CDK14: variants seen among roughly 807,000 people sequenced by gnomAD.
CDK14 encodes cyclin-dependent kinase 14.
Under a neutral mutation model 60.7 loss-of-function variants are expected in CDK14, and 34 were observed. The observed-to-expected ratio is 0.56, with a 90% CI of 0.43 to 0.75. The LOEUF (loss-of-function observed/expected upper bound fraction) is 0.75. Among genes scored for constraint, CDK14 ranks in the 30% least tolerant of loss-of-function variants. The pLI is 0.00. For missense variants in CDK14, 482 were observed against 564.1 expected (o/e 0.85, Z 1.47); for synonymous variants, 197 against 203.7 (o/e 0.97, Z 0.28).
chr7:90,679,068 G>GC (rs1247419790), intron 2 of CDK14, among the ~76,000 whole-genome samples: 1 of 152,028 alleles, frequency 6.6e-6, no homozygotes, highest in East Asian at 1.9e-4. Flanking sequence ...TCCCACCTCA[G>GC]CCCCCCAAGT....
chr7:90,952,092 G>A (rs536385762), intron 8 of CDK14, among the ~76,000 whole-genome samples: 2 of 152,244 alleles, frequency 1.3e-5, no homozygotes, highest in Non-Finnish European at 2.9e-5. Context: ...AGTCATTCCT[G>A]GTTAACTATC....
intron 12 of CDK14, among the ~76,000 whole-genome samples, chr7:91,111,684 G>A (rs1252114219): frequency 2.0e-5 from 3 of 152,110 alleles, no homozygotes; most frequent in African/African-American, 7.2e-5. Flanking sequence ...AAATACGAGT[G>A]TTAAAAGTGC....
intron 9 of CDK14, among the ~76,000 whole-genome samples, chr7:90,963,249 T>G (rs1293008716): frequency 6.6e-6 from 1 of 151,470 alleles, no homozygotes; most frequent in Non-Finnish European, 1.5e-5. Context: ...CATGCTGAGA[T>G]CCCATCTCAG....
At chr7:91,039,020 A>G (rs988343230) in intron 10 of CDK14, among the ~76,000 whole-genome samples, 6 of 152,216 alleles carry the variant, frequency 3.9e-5, no homozygotes, top group African/African-American at 1.4e-4. Flanking sequence ...AGACAACACC[A>G]GATCACTTAG....
chr7:90,714,398 C>A lies in CDK14; in HGVS notation c.124-12169C>A, dbSNP rs182256273. Among the ~76,000 whole-genome samples the A allele has an allele frequency of 1.6e-3, 246 of 152,164 alleles. 1 individual carries two copies. Among genetic ancestry groups the A allele is most frequent in the Middle Eastern group, 6.8e-3 (2 of 294 alleles). On this transcript the variant is annotated intron_variant, in intron 2 of 14. Coordinates refer to ENST00000380050, the MANE Select transcript of CDK14 (RefSeq NM_001287135.2). ...CCACTGCTGTGCTCTATTCACCTTG[C>A]ATCTCTCAGGCAGGATTTGGTATTG...
At chr7:91,092,638 C>T (rs539516730) in intron 12 of CDK14, among the ~76,000 whole-genome samples, 1 of 152,284 alleles carries the variant, frequency 6.6e-6, no homozygotes, top group East Asian at 1.9e-4. Flanking sequence ...CAGCCAATTG[C>T]AAACTCCAGA....
intron 5 of CDK14, among the ~76,000 whole-genome samples, chr7:90,795,100 A>G (rs543135190): frequency 6.6e-6 from 1 of 152,302 alleles, no homozygotes; most frequent in South Asian, 2.1e-4. Context: ...CCCAAACCCA[A>G]CTATTTTGCA....
chr7:91,145,886 CCTTTAAA>C (rs1212418214), intron 14 of CDK14, among the ~76,000 whole-genome samples: 5 of 151,916 alleles, frequency 3.3e-5, no homozygotes, highest in Non-Finnish European at 7.4e-5. Flanking sequence ...CTAAACAAGC[CCTTTAAA>C]CTTCAAAGGG....
intron 2 of CDK14, among the ~76,000 whole-genome samples, chr7:90,640,565 T>G (rs1800301204): frequency 6.6e-6 from 1 of 152,058 alleles, no homozygotes; most frequent in South Asian, 2.1e-4. Flanking sequence ...ACAATGTAAA[T>G]TTTAAAAGTC....
chr7:91,096,475 A>C (rs895581626), intron 12 of CDK14, among the ~76,000 whole-genome samples: 1 of 152,160 alleles, frequency 6.6e-6, no homozygotes, highest in African/African-American at 2.4e-5. Flanking sequence ...GTTTGACTGC[A>C]ACTTTGTCCC....
At chr7:90,733,241 G>T (rs1802945619) in intron 3 of CDK14, among the ~76,000 whole-genome samples, 2 of 152,168 alleles carry the variant, frequency 1.3e-5, no homozygotes, top group African/African-American at 4.8e-5. Context: ...TTGCTGAGGA[G>T]TGTTTTACTT....
intron 2 of CDK14, among the ~76,000 whole-genome samples, chr7:90,659,873 CTCTGTGTGTG>C (rs1800831459): frequency 7.1e-6 from 1 of 140,688 alleles, no homozygotes; most frequent in Non-Finnish European, 1.5e-5. Flanking sequence ...CTCTCTCTCT[CTCTGTGTGTG>C]TGTGTGTGTG....
At chr7:91,162,090 A>G (rs189575416) in intron 14 of CDK14, among the ~76,000 whole-genome samples, 9 of 152,342 alleles carry the variant, frequency 5.9e-5, no homozygotes, top group Admixed American at 3.3e-4. Flanking sequence ...AAAGAGAGGC[A>G]CATAAAAGTG....
At chr7:91,193,928 C>A (rs1291914343) in intron 14 of CDK14, among the ~76,000 whole-genome samples, 1 of 152,110 alleles carries the variant, frequency 6.6e-6, no homozygotes, top group Non-Finnish European at 1.5e-5. Flanking sequence ...TTCTAAGCCT[C>A]TAAATATTTA....
At chr7:90,851,755 G>A (rs1790651646) in intron 5 of CDK14, among the ~76,000 whole-genome samples, 2 of 148,528 alleles carry the variant, frequency 1.3e-5, no homozygotes, top group South Asian at 4.4e-4. Flanking sequence ...CTTCCCCTTT[G>A]TCATTTTCTT....
At chr7:90,621,663 T>TCCTTCCTTCCTGCCTTCCTGCCTTCCTG (rs1563018781) in intron 2 of CDK14, among the ~76,000 whole-genome samples, 58 of 112,636 alleles carry the variant, frequency 5.1e-4, no homozygotes, top group Middle Eastern at 4.3e-3. Flanking sequence ...CTTCCTTCCT[T>TCCTTCCTTCCTGCCTTCCTGCCTTCCTG]CCTTCCTGCC....
chr7:90,678,020 C>T lies in CDK14; in HGVS notation c.124-48547C>T, dbSNP rs752539983. 1.7e-4 allele frequency among the ~76,000 whole-genome samples: 26 copies of T among 152,142 alleles called. No individual in the cohort carries two copies. The Middle Eastern group carries it at 0.014, about 80-fold the overall frequency. ...TTGGGCCAGAGAGACTGCGACTCAG[C>T]GATGAGTGTAAACATTTGTTTAGTT... On this transcript the variant is annotated intron_variant, in intron 2 of 14. Transcript: ENST00000380050.
intron 2 of CDK14, among the ~76,000 whole-genome samples, chr7:90,654,781 C>A (rs950487030): frequency 3.9e-5 from 6 of 152,070 alleles, no homozygotes; most frequent in Non-Finnish European, 8.8e-5. Flanking sequence ...TAATATTTTG[C>A]GTGAATATGG....
chr7:90,637,872 C>T (rs1313767013), intron 2 of CDK14, among the ~76,000 whole-genome samples: 3 of 150,442 alleles, frequency 2.0e-5, no homozygotes, highest in South Asian at 2.2e-4. Flanking sequence ...TGAATTGATC[C>T]GTTTACCATT....
Sources: allele counts gnomAD v4.1 joint callset (sites outside exome capture counted in the v4.1 genomes callset), GRCh38; gene constraint gnomAD v4.1.1; transcripts MANE v1.5; gene names NCBI Gene and HGNC (gene_info 2026-07-23, HGNC 2026-07-21).